Variants in SI observed in about 807,000 individuals in gnomAD.
The protein encoded by SI is sucrase-isomaltase, intestinal.
Under a neutral mutation model 253.3 loss-of-function variants are expected in SI, and 235 were observed. That is an observed-to-expected ratio of 0.93 (90% confidence interval 0.83 to 1.03). SI has a LOEUF of 1.03. Ranked by LOEUF, SI falls within the 50% of genes least tolerant of loss-of-function variation. SI has a pLI of 0.00. For missense variants in SI, 2,442 were observed against 2,211.1 expected (o/e 1.10, Z -2.09); for synonymous variants, 819 against 712.0 (o/e 1.15, Z -2.39).
At chr3:165,009,157 GA>G (rs1357806124) in intron 35 of SI, 121 bp downstream of exon 35, 11 of 701,852 alleles carry the variant, frequency 1.6e-5, no homozygotes, top group African/African-American at 5.4e-5. Flanking sequence ...TTCTGTGGGG[GA>G]AAAAAGTGGA....
At chr3:165,027,956 G>C (rs1019626225) in intron 25 of SI, among the ~76,000 whole-genome samples, 1 of 151,216 alleles carries the variant, frequency 6.6e-6, no homozygotes, top group Non-Finnish European at 1.5e-5. Context: ...ACAAGAGAAA[G>C]AAAAAAATGG....
chr3:165,035,798 G>T (rs1324022595), intron 22 of SI, among the ~76,000 whole-genome samples: 1 of 151,484 alleles, frequency 6.6e-6, no homozygotes, highest in Admixed American at 6.6e-5. Context: ...TAAGTGAATA[G>T]TTAAATACAA....
intron 25 of SI, among the ~76,000 whole-genome samples, chr3:165,026,486 A>C (rs1162494296): frequency 6.6e-6 from 1 of 151,398 alleles, no homozygotes; most frequent in Admixed American, 6.6e-5. Context: ...AAATGGACTT[A>C]ACAGATATTT....
In SI at chr3:165,065,314, C is replaced by A. The variant is rs1714182675; in HGVS notation, c.754G>T (p.Asp252Tyr). The change falls in exon 7 of 48, where the codon GAT becomes TAT. Residue 252 changes from aspartate (D) to tyrosine (Y), a missense_variant. Physicochemically the swap from Asp to Tyr is radical, Grantham distance 160. Coordinates refer to ENST00000264382, the MANE Select transcript of SI (RefSeq NM_001041.4). ...GEQVHKRFRH[D>Y]LSWKTWPIFT... ...ATTGGCCATGTTTTCCAGGATAAATCATGACGAAATCTCTTATGAACTTGT... is the reference window on the plus strand; with the variant it reads ...ATTGGCCATGTTTTCCAGGATAAATAATGACGAAATCTCTTATGAACTTGT... The A allele has an allele frequency of 1.2e-6, 2 of 1,608,464 alleles. No homozygotes were observed. Among genetic ancestry groups the A allele is most frequent in the South Asian group, 1.1e-5 (1 of 90,818 alleles).
intron 26 of SI, among the ~76,000 whole-genome samples, 196 bp from the exon 27 acceptor site, chr3:165,021,579 A>G (rs1711622710): frequency 6.6e-6 from 1 of 151,638 alleles, no homozygotes; most frequent in African/African-American, 2.4e-5. Flanking sequence ...GTCCTAACTG[A>G]ATACTGCATT....
intron 47 of SI, among the ~76,000 whole-genome samples, chr3:164,981,444 G>A (rs984673487): frequency 6.6e-6 from 1 of 151,896 alleles, no homozygotes. Flanking sequence ...CAAGTTAGTC[G>A]AACATCTGAC....
At chr3:165,088,594 T>C in the SI span, among the ~76,000 whole-genome samples, 1 of 147,980 alleles carries the variant, frequency 6.8e-6, no homozygotes, top group Middle Eastern at 3.4e-3. Flanking sequence ...TGAGCCGAGA[T>C]TGTGCCACTG....
intron 3 of SI, among the ~76,000 whole-genome samples, chr3:165,069,710 A>G (rs1368243466): frequency 6.6e-6 from 1 of 152,078 alleles, no homozygotes; most frequent in Admixed American, 6.6e-5. Context: ...TATCACAAGT[A>G]GTTGCTGCAA....
At chr3:165,052,207 C>A (rs1188221521) in intron 13 of SI, among the ~76,000 whole-genome samples, 1 of 152,106 alleles carries the variant, frequency 6.6e-6, no homozygotes, top group East Asian at 1.9e-4. Context: ...CATTTTAATT[C>A]TCTAATTTAT....
intron 38 of SI, among the ~76,000 whole-genome samples, chr3:164,997,723 T>A (rs1559982262): frequency 6.6e-6 from 1 of 151,794 alleles, no homozygotes; most frequent in Non-Finnish European, 1.5e-5. Flanking sequence ...CTCCCAGTTA[T>A]AAGTTAGAAT....
In SI at chr3:165,031,205, C is replaced by A. The variant is rs77320808; in HGVS notation, c.2737-338G>T. On this transcript the variant is annotated intron_variant, in intron 24 of 47. Transcript: ENST00000264382. ...GGGAATAATGTGAGCAAGATTTATC[C>A]CACACCTAGATTTTCATCTGCATAG... Among the ~76,000 whole-genome samples, 68 of 149,472 alleles carry A rather than the reference C, an allele frequency of 4.5e-4. 1 individual carries two copies. In the East Asian group the frequency reaches 0.013, roughly 28 times the overall value.
intron 44 of SI, among the ~76,000 whole-genome samples, chr3:164,989,459 AGAG>A (rs146419826): frequency 0.085 from 12,741 of 149,598 alleles, 725 homozygotes; most frequent in South Asian, 0.14. Flanking sequence ...AGAGGAGAGG[AGAG>A]GAGAAGAGAG....
At chr3:164,991,587 T>TAA in intron 43 of SI, 110 bp from the exon 44 acceptor site, 1 of 1,159,008 alleles carries the variant, frequency 8.6e-7, no homozygotes, top group Non-Finnish European at 1.3e-6. Flanking sequence ...ACTTTTAGAT[T>TAA]AAAAAATTCA....
chr3:165,013,478 C>G (rs1384180083), intron 33 of SI, among the ~76,000 whole-genome samples: 2 of 152,014 alleles, frequency 1.3e-5, no homozygotes, highest in African/African-American at 2.4e-5. Context: ...CATGCTGAAT[C>G]AAACATCCCA....
intron 44 of SI, among the ~76,000 whole-genome samples, chr3:164,988,626 A>G (rs1717554657): frequency 1.3e-5 from 2 of 152,168 alleles, no homozygotes; most frequent in Admixed American, 6.5e-5. Context: ...AGATTAGAAG[A>G]TTCTGTTCAT....
chr3:165,013,078 C>T (rs752230669), intron 33 of SI, 36 bp from the exon 34 acceptor site: 23 of 1,297,052 alleles, frequency 1.8e-5, no homozygotes, highest in Non-Finnish European at 2.6e-5. Context: ...CTGATCAAAA[C>T]ATAGTCAGCA....
chr3:164,988,336 C>T (rs1471762406), intron 44 of SI, among the ~76,000 whole-genome samples: 1 of 152,162 alleles, frequency 6.6e-6, no homozygotes, highest in Non-Finnish European at 1.5e-5. Flanking sequence ...TTTCAGTTCA[C>T]AGTCACTGGG....
intron 44 of SI, among the ~76,000 whole-genome samples, chr3:164,989,436 GGA>G (rs1355566951): frequency 1.6e-4 from 22 of 140,640 alleles, no homozygotes; most frequent in East Asian, 1.1e-3. Context: ...AAGAAAGAAA[GGA>G]AAGAAAGAAG....
the SI span, among the ~76,000 whole-genome samples, chr3:165,083,535 A>G: frequency 3.9e-5 from 6 of 152,170 alleles, no homozygotes; most frequent in African/African-American, 1.4e-4. Flanking sequence ...TCTTCTGAAT[A>G]GTAAATGAAA....
Sources: gnomAD v4.1 joint callset for allele counts (sites outside exome capture counted in the v4.1 genomes callset) on GRCh38, gnomAD v4.1.1 for gene constraint, MANE v1.5 for transcripts, NCBI Gene and HGNC (gene_info 2026-07-23, HGNC 2026-07-21) for gene names.